The following KHDRBS2 variants were observed in gnomAD, a reference collection of about 807,000 sequenced individuals.
KHDRBS2 encodes the protein KH RNA binding domain containing, signal transduction associated 2, also known as KH domain-containing, RNA-binding, signal transduction-associated protein 2.
KHDRBS2 carries 26 observed loss-of-function variants against 44.3 expected under a neutral mutation model. That is an observed-to-expected ratio of 0.59 (90% CI 0.43 to 0.81). The LOEUF (loss-of-function observed/expected upper bound fraction) is 0.81. Among genes scored for constraint, KHDRBS2 ranks in the 40% least tolerant of loss-of-function variants. The pLI, the probability that KHDRBS2 is intolerant of heterozygous loss-of-function variation, is 0.00. For synonymous variants in KHDRBS2, 194 were observed against 151.1 expected, an observed-to-expected ratio of 1.28 and a Z score of -2.08; for missense variants, 476 against 433.1, an observed-to-expected ratio of 1.10 and a Z score of -0.88.
intron 3 of KHDRBS2, among the ~76,000 whole-genome samples, chr6:62,014,612 C>T (rs923280740): frequency 2.0e-5 from 3 of 151,936 alleles, no homozygotes; most frequent in African/African-American, 7.2e-5. Flanking sequence ...AATGAAAGAC[C>T]TAAAATTATT....
chr6:61,665,244 C>T, the KHDRBS2 span, among the ~76,000 whole-genome samples: 1 of 151,358 alleles, frequency 6.6e-6, no homozygotes, highest in South Asian at 2.1e-4. Context: ...GAGTATTGGA[C>T]ATACGGTTTA....
chr6:61,605,666 T>G, the KHDRBS2 span, among the ~76,000 whole-genome samples: 3 of 151,932 alleles, frequency 2.0e-5, no homozygotes, highest in African/African-American at 7.3e-5. Flanking sequence ...CACCTTAATC[T>G]CTCCCACTCT....
chr6:61,954,899 C>T (rs1211962015), intron 4 of KHDRBS2, among the ~76,000 whole-genome samples: 1 of 142,690 alleles, frequency 7.0e-6, no homozygotes, highest in Admixed American at 7.0e-5. Flanking sequence ...TATACACATA[C>T]ATATGTGTGC....
intron 2 of KHDRBS2, among the ~76,000 whole-genome samples, chr6:62,066,412 AT>A (rs1463880770): frequency 1.3e-5 from 2 of 151,676 alleles, no homozygotes; most frequent in African/African-American, 2.4e-5. Context: ...TAAAAGTAAC[AT>A]CTTAATGACA....
intron 1 of KHDRBS2, among the ~76,000 whole-genome samples, chr6:62,259,865 T>C (rs1838044059): frequency 6.6e-6 from 1 of 152,054 alleles, no homozygotes; most frequent in African/African-American, 2.4e-5. Flanking sequence ...AAAATGTGTT[T>C]TTAACTGTAC....
the KHDRBS2 span, among the ~76,000 whole-genome samples, chr6:61,658,068 C>G: frequency 6.6e-6 from 1 of 151,588 alleles, no homozygotes; most frequent in Non-Finnish European, 1.5e-5. Context: ...ATAGGCTAGT[C>G]CACTATGCTA....
In KHDRBS2 at chr6:61,827,323, T is replaced by G. The variant is rs182366735; in HGVS notation, c.810+67312A>C. Among the ~76,000 whole-genome samples the G allele has an allele frequency of 2.3e-3, 357 of 152,224 alleles. 2 individuals carry two copies. Among genetic ancestry groups the G allele is most frequent in the Non-Finnish European group, 3.4e-3 (232 of 67,998 alleles). On this transcript the variant is annotated intron_variant, in intron 6 of 8. Coordinates refer to ENST00000281156, the MANE Select transcript of KHDRBS2 (RefSeq NM_152688.4). ...GCTGCCTGTGATCCCCCGACTAACT[T>G]TGTAGAAGTAGGGATGTGAGTGTTG...
chr6:61,943,166 T>G (rs1236636682), intron 4 of KHDRBS2, among the ~76,000 whole-genome samples: 1 of 151,158 alleles, frequency 6.6e-6, no homozygotes, highest in Non-Finnish European at 1.5e-5. Flanking sequence ...GGATAATATA[T>G]CCAGCAAAAT....
At chr6:62,238,010 AC>A (rs1467654859) in intron 1 of KHDRBS2, among the ~76,000 whole-genome samples, 1 of 150,368 alleles carries the variant, frequency 6.7e-6, no homozygotes, top group Non-Finnish European at 1.5e-5. Flanking sequence ...CAGTGATCGC[AC>A]CATTGCACTC....
chr6:61,859,366 TCAC>T (rs1796590920), intron 6 of KHDRBS2, among the ~76,000 whole-genome samples: 1 of 151,844 alleles, frequency 6.6e-6, no homozygotes, highest in African/African-American at 2.4e-5. Flanking sequence ...AATGTTAAAA[TCAC>T]TTTTAGGGTG....
intron 6 of KHDRBS2, among the ~76,000 whole-genome samples, chr6:61,893,520 C>G (rs904182889): frequency 3.3e-5 from 5 of 152,148 alleles, no homozygotes; most frequent in Non-Finnish European, 7.3e-5. Flanking sequence ...CAATGATAGA[C>G]TGGATTAAGA....
intron 1 of KHDRBS2, among the ~76,000 whole-genome samples, chr6:62,259,292 A>G (rs551210615): frequency 6.6e-6 from 1 of 152,000 alleles, no homozygotes; most frequent in Admixed American, 6.6e-5. Context: ...CATATTGCAT[A>G]TATAATTTTT....
rs919383978 is a variant in KHDRBS2, at chr6:61,873,232, C to G, written c.810+21403G>C. On this transcript the variant is annotated intron_variant, in intron 6 of 8. Transcript: ENST00000281156. ...ACAAAAGAGAGTGAAAAGATAGAACCACAAATCAGTGGATGATTTTTTAAA... is the reference window on the plus strand; with the variant it reads ...ACAAAAGAGAGTGAAAAGATAGAACGACAAATCAGTGGATGATTTTTTAAA... 3.3e-5 allele frequency among the ~76,000 whole-genome samples: 5 copies of G among 151,968 alleles called. No homozygotes were observed. In the East Asian group the frequency reaches 5.8e-4, roughly 18 times the overall value.
At chr6:61,677,030 T>C (rs1045974448), downstream of KHDRBS2, among the ~76,000 whole-genome samples, 1 of 151,928 alleles carries the variant, frequency 6.6e-6, no homozygotes, top group African/African-American at 2.4e-5. Context: ...TTGCAAATCA[T>C]TGTTTTTGTA....
chr6:62,012,465 A>T (rs1271544776), intron 3 of KHDRBS2, among the ~76,000 whole-genome samples: 1 of 152,194 alleles, frequency 6.6e-6, no homozygotes, highest in Non-Finnish European at 1.5e-5. Context: ...ATTCACTTCA[A>T]GTCCTTTCTA....
At chr6:61,576,820 C>T in the KHDRBS2 span, among the ~76,000 whole-genome samples, 1 of 152,136 alleles carries the variant, frequency 6.6e-6, no homozygotes, top group East Asian at 1.9e-4. Flanking sequence ...TATTTAGCAA[C>T]CTCCCACAAA....
chr6:62,156,337 T>C (rs937286336), intron 2 of KHDRBS2, among the ~76,000 whole-genome samples: 2 of 152,194 alleles, frequency 1.3e-5, no homozygotes, highest in African/African-American at 4.8e-5. Context: ...TAATACTCAA[T>C]TTCAGAGAGA....
At position 61,787,956 on chromosome 6, in the gene KHDRBS2, C is replaced by T. The variant is rs575534441; in HGVS notation, c.811-55192G>A. ...ATAGTTCTGAATAACAACACATAGGCGTGCACCACATAATATATCATTGTT... is the reference window on the plus strand; with the variant it reads ...ATAGTTCTGAATAACAACACATAGGTGTGCACCACATAATATATCATTGTT... On this transcript the variant is annotated intron_variant, in intron 6 of 8. Coordinates refer to ENST00000281156, the MANE Select transcript of KHDRBS2 (RefSeq NM_152688.4). Among the ~76,000 whole-genome samples the T allele has an allele frequency of 1.7e-4, 26 of 151,656 alleles. 1 individual carries two copies. The South Asian group carries it at 5.4e-3, about 31-fold the overall frequency.
chr6:61,818,036 G>A (rs1789262939), intron 6 of KHDRBS2, among the ~76,000 whole-genome samples: 1 of 151,840 alleles, frequency 6.6e-6, no homozygotes, highest in African/African-American at 2.4e-5. Flanking sequence ...AAAACCCAGA[G>A]GCTTGAATCA....
Sources: allele counts gnomAD v4.1 joint callset (sites outside exome capture counted in the v4.1 genomes callset), GRCh38; gene constraint gnomAD v4.1.1; transcripts MANE v1.5; gene names NCBI Gene and HGNC (gene_info 2026-07-23, HGNC 2026-07-21).